Variants in ADGRV1 observed in about 807,000 individuals in gnomAD.
The protein encoded by ADGRV1 is G-protein coupled receptor 98.
In ADGRV1, 359 loss-of-function variants were observed where a neutral mutation model predicts 596.2. The observed-to-expected ratio is 0.60, with a 90% CI of 0.55 to 0.66. The LOEUF is 0.66. Ranked by LOEUF, ADGRV1 falls within the 30% of genes least tolerant of loss-of-function variation. The probability of loss-of-function intolerance (pLI) is 0.00; values close to 1 mark genes in which losing one functional copy is unlikely to be tolerated. For missense variants in ADGRV1, 7,274 were observed against 7,575.6 expected, an observed-to-expected ratio of 0.96 and a Z score of 1.48; for synonymous variants, 2,681 against 2,679.2, an observed-to-expected ratio of 1.00 and a Z score of -0.02.
intron 83 of ADGRV1, among the ~76,000 whole-genome samples, chr5:90,919,497 G>A (rs1251524745): frequency 6.6e-6 from 1 of 152,142 alleles, no homozygotes; most frequent in East Asian, 1.9e-4. Context: ...GACTATAACT[G>A]AGATAAAAAA....
intron 1 of ADGRV1, among the ~76,000 whole-genome samples, chr5:90,591,385 G>T (rs920136633): frequency 1.3e-5 from 2 of 151,940 alleles, no homozygotes; most frequent in African/African-American, 2.4e-5. Context: ...AACACAGCAA[G>T]ACTCTGTCTC....
intron 1 of ADGRV1, among the ~76,000 whole-genome samples, chr5:90,573,413 T>A (rs1484525172): frequency 6.6e-6 from 1 of 152,276 alleles, no homozygotes; most frequent in East Asian, 1.9e-4. Flanking sequence ...CTAGATGGTA[T>A]AATGAACCAC....
At chr5:90,600,262 G>GTCATTTACA (rs1761234428) in intron 1 of ADGRV1, among the ~76,000 whole-genome samples, 1 of 152,018 alleles carries the variant, frequency 6.6e-6, no homozygotes, top group African/African-American at 2.4e-5. Context: ...CCATTAACTC[G>GTCATTTACA]TCATTTACAT....
rs764451392 is a variant in ADGRV1, at chr5:90,684,004, C to T, written c.6083C>T (p.Pro2028Leu). The T allele has an allele frequency of 1.2e-6, 2 of 1,613,852 alleles. No individual in the cohort carries two copies. Among genetic ancestry groups the T allele is most frequent in the East Asian group, 2.2e-5 (1 of 44,866 alleles). Residue 2028 changes from proline (P) to leucine (L), a missense_variant, in exon 28 of 90, where the codon CCA becomes CTA. Pro to Leu is a moderately conservative substitution (Grantham distance 98). Around this residue, in one of 5 missense-constraint regions of ADGRV1, gnomAD observed 3,643 missense variants for 3,809.2 expected, o/e 0.96. Transcript: ENST00000405460. ...LDDMEKPPYFPPNLARATQGR... is the reference protein window; with the variant it reads ...LDDMEKPPYFLPNLARATQGR... ...GATATGGAAAAACCACCTTATTTTC[C>T]ACCTAATTTAGCGAGAGCAACTCAA...
intron 1 of ADGRV1, among the ~76,000 whole-genome samples, chr5:90,600,379 C>T (rs1233883348): frequency 1.3e-5 from 2 of 152,134 alleles, no homozygotes; most frequent in Admixed American, 1.3e-4. Flanking sequence ...TGTTCAGTTC[C>T]TACCTATGAG....
intron 85 of ADGRV1, among the ~76,000 whole-genome samples, chr5:91,004,068 T>C (rs532147410): frequency 6.6e-6 from 1 of 152,250 alleles, no homozygotes; most frequent in African/African-American, 2.4e-5. Flanking sequence ...TGTTACAGTA[T>C]TAGAAAAAGG....
intron 85 of ADGRV1, among the ~76,000 whole-genome samples, chr5:91,041,134 T>C (rs1340956215): frequency 2.0e-5 from 3 of 152,212 alleles, no homozygotes; most frequent in Admixed American, 2.0e-4. Flanking sequence ...ATCCCATTAT[T>C]GGGTATATAC....
At position 90,753,671 on chromosome 5, in the gene ADGRV1, C is replaced by T; in HGVS notation, c.11219C>T (p.Thr3740Ile). 2 of 1,613,616 alleles carry T rather than the reference C, an allele frequency of 1.2e-6. No individual in the cohort carries two copies. Among genetic ancestry groups the T allele is most frequent in the Admixed American group, 1.7e-5 (1 of 59,980 alleles). Residue 3740 changes from threonine (T) to isoleucine (I), a missense_variant, in exon 54 of 90, where the codon ACC becomes ATC. Thr to Ile is a moderately conservative substitution (Grantham distance 89). This residue lies in a region of ADGRV1 where 3,643 missense variants were observed against 3,809.2 expected (regional missense o/e 0.96). Coordinates refer to ENST00000405460, the MANE Select transcript of ADGRV1 (RefSeq NM_032119.4). ...TCAGAGGTTGTGATTGTAACCCTCA[C>T]CCGTATCACCACAGAAGGGGTTGAG... ...ELSEVVIVTL[T>I]RITTEGVEDS...
At chr5:90,778,745 TA>T in intron 63 of ADGRV1, 119 bp from the exon 64 acceptor site, 1 of 1,045,950 alleles carries the variant, frequency 9.6e-7, no homozygotes, top group Non-Finnish European at 1.3e-6. Flanking sequence ...ATAATCTATA[TA>T]ATTTTATAAC....
At chr5:91,065,672 T>A (rs944271784) in intron 85 of ADGRV1, among the ~76,000 whole-genome samples, 2 of 152,042 alleles carry the variant, frequency 1.3e-5, no homozygotes, top group Non-Finnish European at 2.9e-5. Flanking sequence ...CCACATAAAA[T>A]TTTTTTAAAT....
intron 1 of ADGRV1, among the ~76,000 whole-genome samples, chr5:90,560,036 G>A (rs1754605923): frequency 6.6e-6 from 1 of 152,126 alleles, no homozygotes. Context: ...GTTACAGGGA[G>A]ATGTCAAATA....
intron 59 of ADGRV1, among the ~76,000 whole-genome samples, chr5:90,771,098 A>G (rs1184397191): frequency 6.6e-6 from 1 of 152,022 alleles, no homozygotes; most frequent in African/African-American, 2.4e-5. Flanking sequence ...GTTCTCTTAC[A>G]TTTTTTATAT....
rs1414814630 is a variant in ADGRV1, at chr5:90,674,254, A to G, written c.5110+20A>G. The G allele has an allele frequency of 1.3e-6, 2 of 1,538,384 alleles. No individual in the cohort carries two copies. On this transcript the variant is annotated intron_variant, in intron 23 of 89. Coordinates refer to ENST00000405460, the MANE Select transcript of ADGRV1 (RefSeq NM_032119.4). ...CATATGGTAACCTGCTCCTTTTGCA[A>G]GAAAAATCCTCTCTTCTCTGGGTGT...
In ADGRV1 at chr5:90,816,359, T is replaced by A. The variant is rs145057690; in HGVS notation, c.16196+623T>A. On this transcript the variant is annotated intron_variant, in intron 75 of 89. Transcript: ENST00000405460. ...GACATAATAGAAAAATATATTTTTT[T>A]AATTTTCTGTTTTTTTTTAAATTTT... Among the ~76,000 whole-genome samples, 337 of 151,078 alleles carry A rather than the reference T, an allele frequency of 2.2e-3. 8 individuals carry two copies. The East Asian group carries it at 0.043, about 19-fold the overall frequency.
chr5:91,023,250 A>G (rs1041410577), intron 85 of ADGRV1, among the ~76,000 whole-genome samples: 2 of 152,144 alleles, frequency 1.3e-5, no homozygotes, highest in Admixed American at 6.6e-5. Flanking sequence ...GTGTAGCTAA[A>G]CAATGAGTTT....
At chr5:90,917,808 C>A (rs1456672142) in intron 83 of ADGRV1, among the ~76,000 whole-genome samples, 4 of 152,102 alleles carry the variant, frequency 2.6e-5, no homozygotes, top group Non-Finnish European at 5.9e-5. Context: ...TTTTATTGTT[C>A]TCTTTCTCCT....
intron 84 of ADGRV1, among the ~76,000 whole-genome samples, chr5:90,980,041 T>C (rs1779959777): frequency 6.6e-6 from 1 of 152,234 alleles, no homozygotes; most frequent in Non-Finnish European, 1.5e-5. Context: ...AAAAATAGCA[T>C]TACATAGTTT....
rs940110564 is a variant in ADGRV1, at chr5:91,057,625, T to C, written c.18153-14822T>C. 4.7e-4 allele frequency among the ~76,000 whole-genome samples: 72 copies of C among 152,204 alleles called. 1 individual carries two copies. The highest frequency in any genetic ancestry group is 2.9e-4 in the Non-Finnish European group (20 of 68,020). On this transcript the variant is annotated intron_variant, in intron 85 of 89. Transcript: ENST00000405460. ...TTGTTGAAACTACAAGACTTGAAAA[T>C]AACAGGAACATCCTGTTGACAAAAA...
intron 29 of ADGRV1, among the ~76,000 whole-genome samples, chr5:90,687,942 A>T (rs1451360862): frequency 6.6e-6 from 1 of 152,216 alleles, no homozygotes; most frequent in African/African-American, 2.4e-5. Context: ...CATGGGTAGG[A>T]AGAATCAATA....
Sources: gnomAD v4.1 joint callset for allele counts (sites outside exome capture counted in the v4.1 genomes callset) on GRCh38, gnomAD v4.1.1 for gene constraint, gnomAD v4.1.1 regional missense constraint, MANE v1.5 for transcripts, NCBI Gene and HGNC (gene_info 2026-07-23, HGNC 2026-07-21) for gene names.